Variants in ENOX2 observed in about 807,000 individuals in gnomAD.
ENOX2 encodes the protein APK1 antigen.
A neutral mutation model predicts 45.0 loss-of-function variants in ENOX2; 36 were observed. The ratio of observed to expected loss-of-function variants is 0.80; its 90% CI spans 0.61 to 1.06. ENOX2 has a LOEUF of 1.06. Ranked by LOEUF, ENOX2 falls within the 50% of genes least tolerant of loss-of-function variation. ENOX2 has a pLI of 0.00. For missense variants in ENOX2, 423 were observed against 462.5 expected, an observed-to-expected ratio of 0.91 and a Z score of 0.78; for synonymous variants, 174 against 152.3, an observed-to-expected ratio of 1.14 and a Z score of -1.05.
intron 2 of ENOX2, among the ~76,000 whole-genome samples, chrX:130,836,027 A>G (rs1247865350): frequency 8.9e-6 from 1 of 112,249 alleles, no homozygotes; most frequent in Non-Finnish European, 1.9e-5. Context: ...GAAAGACTTC[A>G]GTTATTCTTC....
At chrX:130,638,150 C>A (rs2035982978) in intron 10 of ENOX2, among the ~76,000 whole-genome samples, 1 of 107,487 alleles carries the variant, frequency 9.3e-6, no homozygotes, top group Admixed American at 9.9e-5. Flanking sequence ...CTCACTGCAA[C>A]CTCCGCCTCC....
chrX:130,630,118 T>G (rs986204701), intron 13 of ENOX2, among the ~76,000 whole-genome samples: 1 of 111,370 alleles, frequency 9.0e-6, no homozygotes, highest in Non-Finnish European at 1.9e-5. Flanking sequence ...TGTCTGATTC[T>G]TTAACCATTT....
intron 2 of ENOX2, among the ~76,000 whole-genome samples, chrX:130,793,192 A>C (rs1181443394): frequency 8.9e-6 from 1 of 112,606 alleles, no homozygotes; most frequent in Non-Finnish European, 1.9e-5. Context: ...TTGGACACTA[A>C]ACAAATGTCA....
intron 3 of ENOX2, among the ~76,000 whole-genome samples, chrX:130,774,825 C>T (rs1412829934): frequency 8.9e-6 from 1 of 112,146 alleles, no homozygotes; most frequent in African/African-American, 3.2e-5. Flanking sequence ...CACATGTGTA[C>T]TAGAACAACC....
intron 2 of ENOX2, among the ~76,000 whole-genome samples, chrX:130,865,850 C>T (rs1284675674): frequency 9.0e-6 from 1 of 111,141 alleles, no homozygotes; most frequent in Non-Finnish European, 1.9e-5. Flanking sequence ...CTATCATATC[C>T]TAATAGCCGT....
intron 2 of ENOX2, among the ~76,000 whole-genome samples, chrX:130,888,446 C>G (rs1250239123): frequency 8.9e-6 from 1 of 112,138 alleles, no homozygotes; most frequent in Non-Finnish European, 1.9e-5. Context: ...CTATGTGACT[C>G]TGGCCAAGTC....
chrX:130,680,655 TG>T (rs1157477540), intron 5 of ENOX2, among the ~76,000 whole-genome samples: 1 of 112,534 alleles, frequency 8.9e-6, no homozygotes, highest in Non-Finnish European at 1.9e-5. Context: ...CAAAGCATGA[TG>T]GTCATGGGTT....
chrX:130,692,654 C>T (rs1323309969), intron 4 of ENOX2, among the ~76,000 whole-genome samples: 3 of 106,524 alleles, frequency 2.8e-5, no homozygotes, highest in African/African-American at 1.0e-4. Context: ...GATCTCAGCT[C>T]ATTGCAACCT....
intron 2 of ENOX2, among the ~76,000 whole-genome samples, chrX:130,854,845 G>A (rs781357552): frequency 2.7e-5 from 3 of 111,394 alleles, no homozygotes; most frequent in Admixed American, 9.5e-5. Context: ...ATACAGAAAG[G>A]CATTTAAAAA....
chrX:130,673,781 T>A lies in ENOX2; in HGVS notation c.461-3583A>T, dbSNP rs184499691. 3.6e-5 allele frequency among the ~76,000 whole-genome samples: 4 copies of A among 111,880 alleles called. No individual in the cohort carries two copies. In the East Asian group the frequency reaches 8.4e-4, roughly 24 times the overall value. On this transcript the variant is annotated intron_variant, in intron 6 of 14. Coordinates refer to ENST00000394363, the MANE Select transcript of ENOX2 (RefSeq NM_006375.4). ...TATTTGAGGGAATAATCCAGGAAAA[T>A]TTGCCTGGTCTTGCAAGGGATGTAG...
chrX:130,800,753 G>C (rs758524739), intron 2 of ENOX2, among the ~76,000 whole-genome samples: 2 of 111,841 alleles, frequency 1.8e-5, no homozygotes, highest in Admixed American at 1.9e-4. Context: ...TTTGTGTTTA[G>C]TAGGATAATA....
intron 10 of ENOX2, among the ~76,000 whole-genome samples, chrX:130,638,818 G>A (rs2036004635): frequency 9.0e-6 from 1 of 111,220 alleles, no homozygotes; most frequent in African/African-American, 3.3e-5. Flanking sequence ...TGGAGGCTCA[G>A]TGTGGACAAG....
chrX:130,845,828 G>A (rs933900962), intron 2 of ENOX2, among the ~76,000 whole-genome samples: 8 of 111,911 alleles, frequency 7.1e-5, no homozygotes, highest in East Asian at 5.6e-4. Flanking sequence ...GTTATGCTTC[G>A]GTAATGGATA....
intron 2 of ENOX2, among the ~76,000 whole-genome samples, chrX:130,875,059 A>G (rs1044462407): frequency 1.8e-5 from 2 of 111,853 alleles, no homozygotes; most frequent in African/African-American, 6.5e-5. Context: ...ACATATTTAT[A>G]CCATGGAGAT....
At chrX:130,686,622 C>A (rs765073581) in intron 5 of ENOX2, among the ~76,000 whole-genome samples, 1 of 111,803 alleles carries the variant, frequency 8.9e-6, no homozygotes, top group African/African-American at 3.3e-5. Flanking sequence ...TCAGTCACAC[C>A]AAATCCCTGT....
chrX:130,833,011 TCACACACACACACACACACACACACACA>T, intron 2 of ENOX2, among the ~76,000 whole-genome samples: 1 of 82,986 alleles, frequency 1.2e-5, no homozygotes, highest in East Asian at 3.8e-4. Flanking sequence ...TCATGTATAA[TCACACACACACACACACACACACACACA>T]CACACACACA....
intron 2 of ENOX2, among the ~76,000 whole-genome samples, chrX:130,824,115 T>A (rs2077670928): frequency 8.9e-6 from 1 of 112,216 alleles, no homozygotes; most frequent in African/African-American, 3.2e-5. Context: ...TAGCTGTTGA[T>A]AAAGGAACTG....
chrX:130,900,655 T>C (rs1001588539), intron 2 of ENOX2, among the ~76,000 whole-genome samples: 2 of 112,111 alleles, frequency 1.8e-5, no homozygotes, highest in Admixed American at 9.4e-5. Flanking sequence ...ATGCCTCCCC[T>C]CCACTCCTTC....
chrX:130,691,911 C>T (rs1405646105), intron 4 of ENOX2, among the ~76,000 whole-genome samples: 1 of 113,069 alleles, frequency 8.8e-6, no homozygotes, highest in Non-Finnish European at 1.9e-5. Flanking sequence ...TAACTCCTGA[C>T]TGATGTACTT....
Sources: gnomAD v4.1 joint callset for allele counts (sites outside exome capture counted in the v4.1 genomes callset) on GRCh38, gnomAD v4.1.1 for gene constraint, MANE v1.5 for transcripts, NCBI Gene and HGNC (gene_info 2026-07-23, HGNC 2026-07-21) for gene names.